The following ADAMTS16 variants were observed in gnomAD, a reference collection of about 807,000 sequenced individuals.
ADAMTS16 encodes ADAM metallopeptidase with thrombospondin type 1 motif 16.
In ADAMTS16, 94 loss-of-function variants were observed where a neutral mutation model predicts 145.8. The ratio of observed to expected loss-of-function variants is 0.64; its 90% CI spans 0.55 to 0.77. ADAMTS16 has a LOEUF of 0.77. Among genes scored for constraint, ADAMTS16 ranks in the 30% least tolerant of loss-of-function variants. The pLI is 0.00. For missense variants in ADAMTS16, 1,585 were observed against 1,591.5 expected (o/e 1.00, Z 0.07); for synonymous variants, 659 against 604.3 (o/e 1.09, Z -1.33).
chr5:5,257,688 C>G (rs957264760), intron 17 of ADAMTS16, among the ~76,000 whole-genome samples: 1 of 152,196 alleles, frequency 6.6e-6, no homozygotes, highest in Non-Finnish European at 1.5e-5. Flanking sequence ...TTTTTCCACA[C>G]TAACAACCAG....
chr5:5,163,989 T>C (rs1734801613), intron 3 of ADAMTS16, among the ~76,000 whole-genome samples: 1 of 152,172 alleles, frequency 6.6e-6, no homozygotes, highest in South Asian at 2.1e-4. Flanking sequence ...TTGTGAATCT[T>C]ACTAAACATG....
At chr5:5,306,029 C>T (rs980133834) in intron 20 of ADAMTS16, among the ~76,000 whole-genome samples, 2 of 152,206 alleles carry the variant, frequency 1.3e-5, no homozygotes, top group African/African-American at 2.4e-5. Context: ...TCTCCACGCA[C>T]GCTTCCTTTC....
chr5:5,173,073 C>G (rs1180297462), intron 3 of ADAMTS16, among the ~76,000 whole-genome samples: 1 of 151,538 alleles, frequency 6.6e-6, no homozygotes, highest in Admixed American at 6.6e-5. Context: ...CATGGAATAT[C>G]TCTTTCTATT....
At chr5:5,156,836 T>G (rs1345138760) in intron 3 of ADAMTS16, among the ~76,000 whole-genome samples, 1 of 152,194 alleles carries the variant, frequency 6.6e-6, no homozygotes, top group African/African-American at 2.4e-5. Flanking sequence ...GAGGCCAGAC[T>G]CTGTATCAAA....
chr5:5,273,396 G>C (rs1263613327), intron 18 of ADAMTS16, among the ~76,000 whole-genome samples: 1 of 152,212 alleles, frequency 6.6e-6, no homozygotes, highest in South Asian at 2.1e-4. Flanking sequence ...GGTGGCACAC[G>C]CCTGTGCTCT....
intron 3 of ADAMTS16, among the ~76,000 whole-genome samples, chr5:5,152,620 T>TG (rs1734504850): frequency 6.6e-6 from 1 of 152,238 alleles, no homozygotes; most frequent in Admixed American, 6.5e-5. Context: ...CCTTATCTTC[T>TG]TGGCTACACA....
chr5:5,304,349 T>C (rs889123971), intron 20 of ADAMTS16, among the ~76,000 whole-genome samples: 11 of 152,140 alleles, frequency 7.2e-5, no homozygotes, highest in Non-Finnish European at 1.5e-4. Flanking sequence ...GGAATAACGT[T>C]GGAATCATGA....
intron 10 of ADAMTS16, among the ~76,000 whole-genome samples, chr5:5,215,717 G>GTATA (rs56041596): frequency 6.7e-5 from 9 of 133,944 alleles, no homozygotes; most frequent in East Asian, 4.2e-4. Flanking sequence ...TATATATGTG[G>GTATA]TATATATATA....
intron 12 of ADAMTS16, 22 bp downstream of exon 12, chr5:5,232,538 T>A: frequency 6.2e-7 from 1 of 1,608,362 alleles, no homozygotes; most frequent in Non-Finnish European, 8.5e-7. Flanking sequence ...TTGACCTCCT[T>A]CCTCACAAAC....
chr5:5,156,933 C>T (rs1412662293), intron 3 of ADAMTS16, among the ~76,000 whole-genome samples: 1 of 152,196 alleles, frequency 6.6e-6, no homozygotes, highest in East Asian at 1.9e-4. Flanking sequence ...TCTCAAGTGC[C>T]ATGAGCCGCA....
chr5:5,262,755 C>T lies in ADAMTS16; in HGVS notation c.2761C>T (p.Pro921Ser). 1.9e-6 allele frequency: 3 copies of T among 1,614,216 alleles called. No homozygotes were observed. Among genetic ancestry groups the T allele is most frequent in the Non-Finnish European group, 2.5e-6 (3 of 1,180,040 alleles). The change falls in exon 18 of 23, where the codon CCT becomes TCT. Residue 921 changes from proline (P) to serine (S), a missense_variant. Around this residue, in one of 3 missense-constraint regions of ADAMTS16, gnomAD observed 834 missense variants for 811.7 expected, o/e 1.03. Transcript: ENST00000274181. ...GACACGACCTGTCACGGGGCTGGTG[C>T]CTTGCAAAGTATCTGCCTGTCCTCC... ...PKTRPVTGLV[P>S]CKVSACPPSW...
In ADAMTS16 at chr5:5,239,743, G is replaced by A. The variant is rs1206527862; in HGVS notation, c.2341G>A (p.Val781Ile). 11 of 1,613,928 alleles carry A rather than the reference G, an allele frequency of 6.8e-6. No homozygotes were observed. The highest frequency in any genetic ancestry group is 2.2e-5 in the South Asian group (2 of 91,064). The change falls in exon 16 of 23, where the codon GTC becomes ATC. Residue 781 changes from valine (V) to isoleucine (I), a missense_variant. Coordinates refer to ENST00000274181, the MANE Select transcript of ADAMTS16 (RefSeq NM_139056.4). ...GAGTATCCGCATCTATGAAATGAAC[G>A]TCTCTACCTCCTACATTTCTGTGCG... is the stretch of plus-strand genomic sequence containing the variant. Reference protein sequence around the residue: ...ARSIRIYEMNVSTSYISVRNA... With the variant: ...ARSIRIYEMNISTSYISVRNA...
At chr5:5,234,992 A>T in intron 12 of ADAMTS16, 22 bp from the exon 13 acceptor site, 1 of 1,515,608 alleles carries the variant, frequency 6.6e-7, no homozygotes, top group South Asian at 1.3e-5. Flanking sequence ...TAAAAATTCT[A>T]ACTTCAAAAT....
At position 5,265,833 on chromosome 5, in the gene ADAMTS16, T is replaced by C. The variant is rs567166313; in HGVS notation, c.2789+3050T>C. On this transcript the variant is annotated intron_variant, in intron 18 of 22. Transcript: ENST00000274181. ...TTGATTGAAGGTCCTTGCCTTGACATATGGAAGTTGGGAGCATCACTTCCT... is the reference window on the plus strand; with the variant it reads ...TTGATTGAAGGTCCTTGCCTTGACACATGGAAGTTGGGAGCATCACTTCCT... 2.0e-5 allele frequency among the ~76,000 whole-genome samples: 3 copies of C among 152,284 alleles called. 1 individual carries two copies. The South Asian group carries it at 6.2e-4, about 32-fold the overall frequency.
chr5:5,241,425 A>G (rs1737288226), intron 16 of ADAMTS16, among the ~76,000 whole-genome samples: 1 of 152,194 alleles, frequency 6.6e-6, no homozygotes, highest in African/African-American at 2.4e-5. Flanking sequence ...CTGCGGACTT[A>G]ATGGGTACCT....
rs1735487753 is a variant in ADAMTS16, at chr5:5,186,073, A to T, written c.785A>T (p.Glu262Val). The change falls in exon 5 of 23, where the codon GAA becomes GTA. Residue 262 changes from glutamate (E) to valine (V), a missense_variant. Physicochemically the swap from Glu to Val is moderately radical, Grantham distance 121. Transcript: ENST00000274181. Reference sequence around the variant, plus strand: ...ATAGACATGCCCCAGCCTCCCAAGGAAGACCTCTTCATCTTGCCAGATGAG... The same window carrying T: ...ATAGACATGCCCCAGCCTCCCAAGGTAGACCTCTTCATCTTGCCAGATGAG... ...RKKYMPQPPK[E>V]DLFILPDEYK... 6.2e-7 allele frequency: 1 copy of T among 1,613,630 alleles called. No individual in the cohort carries two copies. The highest frequency in any genetic ancestry group is 1.3e-5 in the African/African-American group (1 of 74,880).
At chr5:5,215,870 GTA>G (rs55703329) in intron 10 of ADAMTS16, among the ~76,000 whole-genome samples, 15,257 of 99,238 alleles carry the variant, frequency 0.15, 1,528 homozygotes, top group Non-Finnish European at 0.17. Flanking sequence ...GTGTGTATGT[GTA>G]TATATATATA....
intron 8 of ADAMTS16, among the ~76,000 whole-genome samples, chr5:5,196,362 G>A (rs571718093): frequency 6.6e-6 from 1 of 151,796 alleles, no homozygotes; most frequent in Non-Finnish European, 1.5e-5. Flanking sequence ...ATGATGACAT[G>A]TGCCTCCACC....
intron 21 of ADAMTS16, among the ~76,000 whole-genome samples, chr5:5,312,267 CA>C (rs1362974708): frequency 6.6e-6 from 1 of 152,060 alleles, no homozygotes; most frequent in African/African-American, 2.4e-5. Flanking sequence ...ACCCCTCCCC[CA>C]AAAGTATTCC....
Sources: gnomAD v4.1 joint callset for allele counts (sites outside exome capture counted in the v4.1 genomes callset) on GRCh38, gnomAD v4.1.1 for gene constraint, gnomAD v4.1.1 regional missense constraint, MANE v1.5 for transcripts, NCBI Gene and HGNC (gene_info 2026-07-23, HGNC 2026-07-21) for gene names.